PECAM1: variants seen among roughly 807,000 people sequenced by gnomAD.
PECAM1 encodes the protein platelet and endothelial cell adhesion molecule 1.
In PECAM1, 8 loss-of-function variants were observed where a neutral mutation model predicts 13.8. The observed-to-expected ratio is 0.58, with a 90% CI of 0.34 to 1.05. The LOEUF is 1.05. Ranked by LOEUF, PECAM1 falls within the 50% of genes least tolerant of loss-of-function variation. PECAM1 has a pLI of 0.03. For missense variants in PECAM1, 304 were observed against 141.2 expected, an observed-to-expected ratio of 2.15 and a Z score of -5.84; for synonymous variants, 136 against 52.6, an observed-to-expected ratio of 2.58 and a Z score of -6.86.
In PECAM1 at chr17:64,323,798, T is replaced by C. The variant is rs1292480509; in HGVS notation, c.*18A>G. 1 of 954,536 alleles carries C rather than the reference T, an allele frequency of 1.0e-6. No individual in the cohort carries two copies. Among genetic ancestry groups the C allele is most frequent in the East Asian group, 2.4e-5 (1 of 41,936 alleles). 59.1% of individuals were successfully genotyped at this position (954,536 alleles called of 1,614,324 possible). On this transcript the variant is annotated 3_prime_UTR_variant, in exon 16 of 16. Coordinates refer to ENST00000563924, the MANE Select transcript of PECAM1 (RefSeq NM_000442.5). ...GAACATGGATGTCCTTCCAGGGATG[T>C]GCATCTGGCCTTGCTGTCTAAGTTC...
intron 12 of PECAM1, 25 bp from the exon 13 acceptor site, chr17:64,348,347 T>C (rs2035632922): frequency 2.1e-6 from 1 of 474,846 alleles, no homozygotes; most frequent in African/African-American, 2.0e-5. Context: ...CACAGCAGCT[T>C]GTTGTTTAGG....
intron 2 of PECAM1, among the ~76,000 whole-genome samples, chr17:64,388,080 C>T (rs1164324601): frequency 6.6e-6 from 1 of 150,944 alleles, no homozygotes; most frequent in African/African-American, 2.4e-5. Flanking sequence ...GTGGGAGAGT[C>T]GCTCCCTGTG....
Position 64,352,929 on chromosome 17 carries a change from T to C in PECAM1, c.1917-466A>G, listed in dbSNP as rs915119470. ...CCTCCCAAAGTGCTGGGATTACAGG[T>C]GCGAGCCACCATGCTTGGCGGTGAT... is the stretch of plus-strand genomic sequence containing the variant. On this transcript the variant is annotated intron_variant, in intron 10 of 15. Coordinates refer to ENST00000563924, the MANE Select transcript of PECAM1 (RefSeq NM_000442.5). Among the ~76,000 whole-genome samples, 304 of 152,150 alleles carry C rather than the reference T, an allele frequency of 2.0e-3. 1 individual carries two copies. Among genetic ancestry groups the C allele is most frequent in the African/African-American group, 7.0e-3 (289 of 41,512 alleles).
At chr17:64,388,958 G>A (rs9912957) in intron 2 of PECAM1, among the ~76,000 whole-genome samples, 57,347 of 152,024 alleles carry the variant, frequency 0.38, 11,700 homozygotes, top group Non-Finnish European at 0.46. Context: ...GTGAGCCAAC[G>A]CGGCTGGTAA....
chr17:64,332,511 G>GTA (rs2035153149), intron 14 of PECAM1, among the ~76,000 whole-genome samples: 2 of 152,212 alleles, frequency 1.3e-5, no homozygotes, highest in Non-Finnish European at 2.9e-5. Context: ...CATCACCAAA[G>GTA]TTGAATTGGA....
At chr17:64,333,682 A>C (rs1465943258) in intron 14 of PECAM1, among the ~76,000 whole-genome samples, 1 of 151,966 alleles carries the variant, frequency 6.6e-6, no homozygotes, top group Admixed American at 6.6e-5. Flanking sequence ...AAGTAAAAAA[A>C]AAAGTGGGCT....
In PECAM1 at chr17:64,323,231, TA is replaced by T. The variant is rs1189938970; in HGVS notation, c.*584del. ...TGAATGAACGGTGTCTTCAGGTTGGTATTTCACAGGCGGTGCTCCCAAGTAG... is the reference window on the plus strand; with the variant it reads ...TGAATGAACGGTGTCTTCAGGTTGGTTTTCACAGGCGGTGCTCCCAAGTAG... On this transcript the variant is annotated 3_prime_UTR_variant, in exon 16 of 16. Coordinates refer to ENST00000563924, the MANE Select transcript of PECAM1 (RefSeq NM_000442.5). 2 of 990,806 alleles carry T rather than the reference TA, an allele frequency of 2.0e-6. No homozygotes were observed. The highest frequency in any genetic ancestry group is 3.5e-5 in the African/African-American group (2 of 57,238). The allele number at this position is 990,806 out of a possible 1,614,324, so 61.4% of individuals were successfully genotyped here. A position where few individuals can be genotyped will look rare whatever the true frequency, so the allele number is the denominator to read the frequency against.
chr17:64,378,675 T>C (rs1320806543), intron 2 of PECAM1: 5 of 151,502 alleles, frequency 3.3e-5, no homozygotes, highest in African/African-American at 1.2e-4. Context: ...AGGCATTCTG[T>C]GAGCTGCCAC....
In PECAM1 at chr17:64,341,079, A is replaced by G. The variant is rs2035416193; in HGVS notation, c.2164+555T>C. On this transcript the variant is annotated intron_variant, in intron 14 of 15. Coordinates refer to ENST00000563924, the MANE Select transcript of PECAM1 (RefSeq NM_000442.5). ...CCATTGCACCCCAGCCTGGGCATCA[A>G]GAGCGAAACTCTGTCTCAAAAAAAA... 4.8e-5 allele frequency among the ~76,000 whole-genome samples: 7 copies of G among 144,880 alleles called. No individual in the cohort carries two copies. The South Asian group carries it at 1.6e-3, about 32-fold the overall frequency.
In PECAM1 at chr17:64,378,072, G is replaced by A. The variant is rs1369473031; in HGVS notation, c.137C>T (p.Thr46Met). ...SVDMKSLPDW[T>M]VQNGKNLTLQ... ...GGTCAGGTTCTTCCCATTTTGCACC[G>A]TCCAGTCCGGCAGGCTCTTCATGTC... The change falls in exon 3 of 16, where the codon ACG (threonine) becomes ATG (methionine). Residue 46 changes from threonine (T) to methionine (M), a missense_variant. Physicochemically the swap from Thr to Met is moderately conservative, Grantham distance 81 (BLOSUM62 -1). Transcript: ENST00000563924. 1.7e-5 allele frequency: 8 copies of A among 475,140 alleles called. No individual in the cohort carries two copies. Among genetic ancestry groups the A allele is most frequent in the East Asian group, 6.2e-5 (2 of 32,048 alleles). 29.4% of individuals were successfully genotyped at this position (475,140 alleles called of 1,614,324 possible).
At chr17:64,352,839 G>A (rs923836488) in intron 10 of PECAM1, among the ~76,000 whole-genome samples, 7 of 151,960 alleles carry the variant, frequency 4.6e-5, no homozygotes, top group African/African-American at 1.2e-4. Context: ...GTTTTTAGTA[G>A]AGATGGGGTT....
chr17:64,358,989 G>T (rs1023844662), intron 7 of PECAM1, among the ~76,000 whole-genome samples: 36 of 152,104 alleles, frequency 2.4e-4, no homozygotes, highest in Middle Eastern at 3.4e-3. Context: ...TTAGAGACAG[G>T]ATTTCACCAT....
chr17:64,324,038 C>T, intron 15 of PECAM1, 193 bp from the exon 16 acceptor site: 1 of 857,428 alleles, frequency 1.2e-6, no homozygotes, highest in Non-Finnish European at 1.9e-6. Context: ...ACTACAGATA[C>T]ACGTGGCCCC....
At chr17:64,350,246 A>G in intron 12 of PECAM1, 134 bp downstream of exon 12, 1 of 386,074 alleles carries the variant, frequency 2.6e-6, no homozygotes, top group Non-Finnish European at 4.8e-6. Context: ...TCATTGACAC[A>G]TCGGCTGGGT....
chr17:64,371,335 AG>A (rs2036232511), intron 4 of PECAM1, among the ~76,000 whole-genome samples: 1 of 152,186 alleles, frequency 6.6e-6, no homozygotes, highest in Non-Finnish European at 1.5e-5. Flanking sequence ...GACAAACTAG[AG>A]AAAATATTTG....
chr17:64,344,084 A>G (rs200676525), intron 13 of PECAM1, among the ~76,000 whole-genome samples: 3,790 of 152,214 alleles, frequency 0.025, 65 homozygotes, highest in Non-Finnish European at 0.038. Context: ...TACCAGGCGC[A>G]TGGTGGGGTG....
intron 6 of PECAM1, among the ~76,000 whole-genome samples, chr17:64,362,018 C>T (rs2035994404): frequency 6.6e-6 from 1 of 152,158 alleles, no homozygotes; most frequent in African/African-American, 2.4e-5. Flanking sequence ...AAAATCTTAG[C>T]TGGATAAAAC....
intron 5 of PECAM1, among the ~76,000 whole-genome samples, chr17:64,368,431 C>T (rs1218408708): frequency 2.0e-5 from 3 of 152,136 alleles, no homozygotes; most frequent in Non-Finnish European, 4.4e-5. Flanking sequence ...GACTCTTGTT[C>T]TACCCCCTTG....
At chr17:64,388,113 CT>C in intron 2 of PECAM1, among the ~76,000 whole-genome samples, 1 of 152,296 alleles carries the variant, frequency 6.6e-6, no homozygotes, top group African/African-American at 2.4e-5. Context: ...GTTCCAACGT[CT>C]TCCCTGAAGG....
Sources: allele counts gnomAD v4.1 joint callset (sites outside exome capture counted in the v4.1 genomes callset), GRCh38; gene constraint gnomAD v4.1.1; transcripts MANE v1.5; gene names NCBI Gene and HGNC (gene_info 2026-07-23, HGNC 2026-07-21).